NSL1: variants seen among roughly 807,000 people sequenced by gnomAD.
The protein encoded by NSL1 is NSL1 component of MIS12 kinetochore complex, also known as kinetochore-associated protein NSL1 homolog.
Under a neutral mutation model 25.4 loss-of-function variants are expected in NSL1, and 11 were observed. That is an observed-to-expected ratio of 0.43 (90% confidence interval 0.27 to 0.72). The LOEUF (loss-of-function observed/expected upper bound fraction) is 0.72. NSL1 is among the 30% of genes least tolerant of loss of function. The pLI, the probability that NSL1 is intolerant of heterozygous loss-of-function variation, is 0.19. For missense variants in NSL1, 330 were observed against 342.7 expected, an observed-to-expected ratio of 0.96 and a Z score of 0.29; for synonymous variants, 118 against 120.6, an observed-to-expected ratio of 0.98 and a Z score of 0.14.
chr1:212,774,038 G>A (rs1174825528), intron 4 of NSL1, among the ~76,000 whole-genome samples: 1 of 152,132 alleles, frequency 6.6e-6, no homozygotes, highest in Non-Finnish European at 1.5e-5. Flanking sequence ...ACCAGAGGCT[G>A]GGAAGGGTAT....
In NSL1 at chr1:212,762,366, C is replaced by G. The variant is rs115150735; in HGVS notation, c.499+20006G>C. 3.5e-3 allele frequency among the ~76,000 whole-genome samples: 517 copies of G among 148,184 alleles called. 7 individuals carry two copies. Among genetic ancestry groups the G allele is most frequent in the African/African-American group, 0.012 (494 of 40,166 alleles). On this transcript the variant is annotated intron_variant, in intron 4 of 5. Coordinates refer to ENST00000366977, the MANE Select transcript of NSL1 (RefSeq NM_015471.4). ...GAATTTGTGTTAGACCACATTCAAA[C>G]TGTCCTAGGCTGCATAAGGCCCATG... is the stretch of plus-strand genomic sequence containing the variant.
chr1:212,768,307 G>A lies in NSL1; in HGVS notation c.499+14065C>T, dbSNP rs138583923. Among the ~76,000 whole-genome samples, 903 of 119,222 alleles carry A rather than the reference G, an allele frequency of 7.6e-3. 7 individuals are homozygous for A. The highest frequency in any genetic ancestry group is 0.028 in the African/African-American group (822 of 29,234). 78.2% of individuals were successfully genotyped at this position (119,222 alleles called of 152,430 possible). A position where few individuals can be genotyped will look rare whatever the true frequency, so the allele number is the denominator to read the frequency against. On this transcript the variant is annotated intron_variant, in intron 4 of 5. Coordinates refer to ENST00000366977, the MANE Select transcript of NSL1 (RefSeq NM_015471.4). ...TGCACTCCAGCCTGGGTGACAGAGC[G>A]AGACTCCGTCTCAAAAAAAAAAAAA...
rs1046728674 is a variant in NSL1, at chr1:212,736,383, G to C, written c.*2025C>G. 1.0e-6 allele frequency: 1 copy of C among 985,028 alleles called. No individual in the cohort carries two copies. Among genetic ancestry groups the C allele is most frequent in the African/African-American group, 1.7e-5 (1 of 57,212 alleles). The allele number at this position is 985,028 out of a possible 1,614,324, so 61.0% of individuals were successfully genotyped here. ...TTCAATCCAGACTCTTTTTATCATAGAGCAAGATTTGATTTTCAATTTTTT... is the reference window on the plus strand; with the variant it reads ...TTCAATCCAGACTCTTTTTATCATACAGCAAGATTTGATTTTCAATTTTTT... On this transcript the variant is annotated 3_prime_UTR_variant, in exon 6 of 6. Coordinates refer to ENST00000366977, the MANE Select transcript of NSL1 (RefSeq NM_015471.4).
chr1:212,763,745 T>C (rs1659674941), intron 4 of NSL1, among the ~76,000 whole-genome samples: 1 of 152,224 alleles, frequency 6.6e-6, no homozygotes, highest in Admixed American at 6.5e-5. Flanking sequence ...ATCCTAAATT[T>C]ATATGCAACT....
intron 4 of NSL1, among the ~76,000 whole-genome samples, chr1:212,753,481 AC>A (rs1165898218): frequency 6.6e-6 from 1 of 151,934 alleles, no homozygotes; most frequent in African/African-American, 2.4e-5. Flanking sequence ...TTTCCCCATC[AC>A]CTAAACACAC....
chr1:212,770,917 G>A (rs1660075049), intron 4 of NSL1, among the ~76,000 whole-genome samples: 2 of 152,180 alleles, frequency 1.3e-5, no homozygotes, highest in Admixed American at 1.3e-4. Context: ...ACCAATGAGT[G>A]TGATACATCA....
chr1:212,742,304 A>G (rs1658543191), intron 4 of NSL1, among the ~76,000 whole-genome samples: 1 of 152,232 alleles, frequency 6.6e-6, no homozygotes, highest in Non-Finnish European at 1.5e-5. Context: ...CTATACAGAA[A>G]GCAGAAGATC....
At chr1:212,787,675 AT>A in intron 1 of NSL1, 38 bp from the exon 2 acceptor site, 1 of 1,394,378 alleles carries the variant, frequency 7.2e-7, no homozygotes, top group Non-Finnish European at 9.9e-7. Context: ...ACTAAAAATA[AT>A]TTTAAATACT....
intron 4 of NSL1, among the ~76,000 whole-genome samples, chr1:212,744,586 T>C (rs1000081255): frequency 1.3e-5 from 2 of 152,174 alleles, no homozygotes; most frequent in Non-Finnish European, 2.9e-5. Context: ...TTTCCATCAA[T>C]TATCTTAATA....
intron 4 of NSL1, among the ~76,000 whole-genome samples, chr1:212,748,398 T>C (rs1421447185): frequency 6.6e-6 from 1 of 152,126 alleles, no homozygotes; most frequent in African/African-American, 2.4e-5. Flanking sequence ...CTACGAGAGA[T>C]GAGTATAAAT....
At chr1:212,752,064 AC>A (rs1659089647) in intron 4 of NSL1, among the ~76,000 whole-genome samples, 1 of 152,148 alleles carries the variant, frequency 6.6e-6, no homozygotes, top group Non-Finnish European at 1.5e-5. Flanking sequence ...CCTTCTCACC[AC>A]CAACAATGGT....
At chr1:212,765,225 A>T (rs895404767) in intron 4 of NSL1, among the ~76,000 whole-genome samples, 29 of 152,184 alleles carry the variant, frequency 1.9e-4, no homozygotes, top group African/African-American at 5.8e-4. Flanking sequence ...AATCCTCCCT[A>T]AATCATTCCA....
chr1:212,784,241 A>G, intron 3 of NSL1, 122 bp downstream of exon 3: 1 of 591,370 alleles, frequency 1.7e-6, no homozygotes, highest in South Asian at 2.6e-5. Context: ...GACAAACAAT[A>G]CTAATTGAGG....
chr1:212,745,160 C>CTATA lies in NSL1; in HGVS notation c.500-5563_500-5560dup, dbSNP rs59293969. On this transcript the variant is annotated intron_variant, in intron 4 of 5. Coordinates refer to ENST00000366977, the MANE Select transcript of NSL1 (RefSeq NM_015471.4). Reference sequence around the variant, plus strand: ...CAAAACAAACAAACAAACAAACAAACTATATATATATATATATATATATAT... The same window carrying CTATA: ...CAAAACAAACAAACAAACAAACAAACTATATATATATATATATATATATATATAT... Among the ~76,000 whole-genome samples the CTATA allele has an allele frequency of 4.2e-3, 494 of 117,100 alleles. 2 individuals carry two copies. The highest frequency in any genetic ancestry group is 0.013 in the African/African-American group (323 of 24,364). 76.8% of individuals were successfully genotyped at this position (117,100 alleles called of 152,430 possible).
chr1:212,756,215 G>A (rs941563469), intron 4 of NSL1, among the ~76,000 whole-genome samples: 4 of 152,100 alleles, frequency 2.6e-5, no homozygotes, highest in Admixed American at 2.6e-4. Flanking sequence ...GACCTCCTGG[G>A]TTCAAATGAT....
rs1558037989 is a variant in NSL1 at position 212,738,339 on chromosome 1, G to A, written c.*69C>T. On this transcript the variant is annotated 3_prime_UTR_variant, in exon 6 of 6. Coordinates refer to ENST00000366977, the MANE Select transcript of NSL1 (RefSeq NM_015471.4). ...TTATTTCAAATGAAGTCTTATCTAG[G>A]TATTAATTAGGCTGTAATCTAAATG... 4 of 1,533,566 alleles carry A rather than the reference G, an allele frequency of 2.6e-6. No individual in the cohort carries two copies. The highest frequency in any genetic ancestry group is 2.3e-5 in the East Asian group (1 of 44,384). 95.0% of individuals were successfully genotyped at this position (1,533,566 alleles called of 1,614,324 possible).
Position 212,731,370 on chromosome 1 carries a change from A to C in NSL1, c.*7038T>G. On this transcript the variant is annotated 3_prime_UTR_variant, in exon 6 of 6. Transcript: ENST00000366977. ...CAGGAATTCAAGACCAGCCGGGGCA[A>C]TATGGCGAGACCCCATCTCTAAAAC... 1.0e-6 allele frequency: 1 copy of C among 982,108 alleles called. No individual in the cohort carries two copies. The highest frequency in any genetic ancestry group is 1.2e-6 in the Non-Finnish European group (1 of 826,964). 60.8% of individuals were successfully genotyped at this position (982,108 alleles called of 1,614,324 possible). A position where few individuals can be genotyped will look rare whatever the true frequency, so the allele number is the denominator to read the frequency against.
chr1:212,731,979 G>A lies in NSL1; in HGVS notation c.*6429C>T. Reference sequence around the variant, plus strand: ...CATCTAACTGTTCAGTGCCTGTGCTGTACTAATTGCTAATTCCCATCCTTT... The same window carrying A: ...CATCTAACTGTTCAGTGCCTGTGCTATACTAATTGCTAATTCCCATCCTTT... On this transcript the variant is annotated 3_prime_UTR_variant, in exon 6 of 6. Coordinates refer to ENST00000366977, the MANE Select transcript of NSL1 (RefSeq NM_015471.4). 1 of 983,900 alleles carries A rather than the reference G, an allele frequency of 1.0e-6. No individual in the cohort carries two copies. Among genetic ancestry groups the A allele is most frequent in the African/African-American group, 1.8e-5 (1 of 56,852 alleles). 60.9% of individuals were successfully genotyped at this position (983,900 alleles called of 1,614,324 possible).
At chr1:212,778,549 C>T (rs1280435753) in intron 4 of NSL1, among the ~76,000 whole-genome samples, 3 of 151,614 alleles carry the variant, frequency 2.0e-5, no homozygotes, top group Non-Finnish European at 4.4e-5. Flanking sequence ...CAGGCGCGCG[C>T]CGCCACGCCT....
Sources: gnomAD v4.1 joint callset for allele counts (sites outside exome capture counted in the v4.1 genomes callset) on GRCh38, gnomAD v4.1.1 for gene constraint, MANE v1.5 for transcripts, NCBI Gene and HGNC (gene_info 2026-07-23, HGNC 2026-07-21) for gene names.